Variants in DAAM2 observed in about 807,000 individuals in gnomAD.
DAAM2 encodes dishevelled associated activator of morphogenesis 2, also known as disheveled-associated activator of morphogenesis 2.
A neutral mutation model predicts 120.7 loss-of-function variants in DAAM2; 39 were observed. The ratio of observed to expected loss-of-function variants is 0.32; its 90% confidence interval spans 0.25 to 0.42. DAAM2 has a LOEUF of 0.42. Among genes scored for constraint, DAAM2 ranks in the 10% least tolerant of loss-of-function variants. DAAM2 has a pLI of 1.00. For synonymous variants in DAAM2, 488 were observed against 524.9 expected (o/e 0.93, Z 0.96); for missense variants, 1,283 against 1,401.7 (o/e 0.92, Z 1.35).
intron 19 of DAAM2, among the ~76,000 whole-genome samples, chr6:39,892,736 C>T (rs1765810147): frequency 6.6e-6 from 1 of 152,192 alleles, no homozygotes; most frequent in African/African-American, 2.4e-5. Context: ...CCAGTCAGTA[C>T]TCCCTGAGAT....
chr6:39,892,242 A>G (rs1031958672), intron 19 of DAAM2, among the ~76,000 whole-genome samples: 1 of 152,216 alleles, frequency 6.6e-6, no homozygotes, highest in African/African-American at 2.4e-5. Flanking sequence ...TTGTAGTTCA[A>G]TGAGAACCAT....
At chr6:39,819,679 A>G (rs1194857960) in intron 1 of DAAM2, 1 of 152,224 alleles carries the variant, frequency 6.6e-6, no homozygotes, top group Non-Finnish European at 1.5e-5. Context: ...ACAAAATACC[A>G]TAGATTGGGT....
intron 1 of DAAM2, among the ~76,000 whole-genome samples, chr6:39,816,547 G>A (rs774869221): frequency 1.3e-5 from 2 of 152,198 alleles, no homozygotes; most frequent in Non-Finnish European, 2.9e-5. Context: ...GGGGCAGGGG[G>A]TGTGATGGGT....
chr6:39,851,332 C>T (rs1763799517), intron 1 of DAAM2, among the ~76,000 whole-genome samples: 2 of 152,196 alleles, frequency 1.3e-5, no homozygotes, highest in African/African-American at 4.8e-5. Flanking sequence ...AGGCAAGCTA[C>T]TTAACCACTC....
Position 39,878,662 on chromosome 6 carries a change from G to T in DAAM2, c.1545+74G>T. 1.4e-6 allele frequency: 2 copies of T among 1,467,360 alleles called. No homozygotes were observed. Among genetic ancestry groups the T allele is most frequent in the South Asian group, 2.7e-5 (2 of 74,634 alleles). 90.9% of individuals were successfully genotyped at this position (1,467,360 alleles called of 1,614,324 possible). On this transcript the variant is annotated intron_variant, in intron 13 of 24. Coordinates refer to ENST00000274867, the MANE Select transcript of DAAM2 (RefSeq NM_001201427.2). This position sits in a 1 kb window ranked among gnomAD's most constrained non-coding sequence, Gnocchi z 5.0. The stretch of plus-strand genomic sequence containing the variant: ...TCAGGACTGGGTGGGCAGAGCAGGT[G>T]TCGGAGAGGCCAAGGACCCCAGCAT...
Position 39,856,454 on chromosome 6 carries a change from G to A in DAAM2, c.152G>A (p.Arg51His), listed in dbSNP as rs749464558. Residue 51 changes from arginine to histidine, a missense_variant, in exon 2 of 25, where the codon CGC becomes CAC. This residue lies in a region of DAAM2 where 197 missense variants were observed against 189.3 expected (regional missense o/e 1.04). Transcript: ENST00000274867. ...CCGAACGCAGAGGAGCTCAACATCC[G>A]CTTTGCAGAGCTGGTGGTCAGTGAG... ...PIPNAEELNI[R>H]FAELVDELDL... 6.9e-6 allele frequency: 10 copies of A among 1,458,682 alleles called. No homozygotes were observed. The highest frequency in any genetic ancestry group is 1.5e-5 in the South Asian group (1 of 66,530). The allele number at this position is 1,458,682 out of a possible 1,614,324, so 90.4% of individuals were successfully genotyped here.
chr6:39,882,588 G>A (rs1395871466), intron 14 of DAAM2, among the ~76,000 whole-genome samples: 2 of 151,896 alleles, frequency 1.3e-5, no homozygotes, highest in South Asian at 2.1e-4. Context: ...AGCCAGCGCC[G>A]TCCCTGCCTT....
chr6:39,856,423 C>T lies in DAAM2; in HGVS notation c.121C>T (p.Pro41Ser), dbSNP rs1383514473. Residue 41 changes from proline (P) to serine (S), a missense_variant, in exon 2 of 25, where the codon CCC becomes TCC. Around this residue, in one of 3 missense-constraint regions of DAAM2, gnomAD observed 197 missense variants for 189.3 expected, o/e 1.04. Coordinates refer to ENST00000274867, the MANE Select transcript of DAAM2 (RefSeq NM_001201427.2). The part of the protein sequence containing the change: ...HPLQFMEFSS[P>S]IPNAEELNIR... ...TCTGCAGTTCATGGAGTTCTCCAGC[C>T]CCATCCCGAACGCAGAGGAGCTCAA... The T allele has an allele frequency of 1.3e-6, 2 of 1,527,424 alleles. No individual in the cohort carries two copies. Among genetic ancestry groups the T allele is most frequent in the African/African-American group, 1.4e-5 (1 of 70,990 alleles). The allele number at this position is 1,527,424 out of a possible 1,614,324, so 94.6% of individuals were successfully genotyped here. A position where few individuals can be genotyped will look rare whatever the true frequency, so the allele number is the denominator to read the frequency against.
rs114838074 is a variant in DAAM2 at position 39,854,648 on chromosome 6, G to T, written c.-56-1599G>T. On this transcript the variant is annotated intron_variant, in intron 1 of 24. Transcript: ENST00000274867. Reference sequence around the variant, plus strand: ...TTAGGAAATAAAGCAGTGTTCTCTAGAAGTTACCCTGAGTTCACTAGGAAC... The same window carrying T: ...TTAGGAAATAAAGCAGTGTTCTCTATAAGTTACCCTGAGTTCACTAGGAAC... Among the ~76,000 whole-genome samples, 1,420 of 152,312 alleles carry T rather than the reference G, an allele frequency of 9.3e-3. 9 individuals carry two copies. The highest frequency in any genetic ancestry group is 0.032 in the African/African-American group (1,326 of 41,560).
At position 39,868,802 on chromosome 6, in the gene DAAM2, C is replaced by G. The variant is rs1207355599; in HGVS notation, c.763-21C>G. ...GGGAACTCAGCCCTCTCCTCCTGCT[C>G]TGTCCTGCATTTCCACCTAGACCCT... On this transcript the variant is annotated intron_variant, in intron 6 of 24. Coordinates refer to ENST00000274867, the MANE Select transcript of DAAM2 (RefSeq NM_001201427.2). 1.9e-6 allele frequency: 3 copies of G among 1,548,468 alleles called. No individual in the cohort carries two copies. In the African/African-American group the frequency reaches 4.1e-5, roughly 21 times the overall value.
intron 1 of DAAM2, among the ~76,000 whole-genome samples, chr6:39,797,798 C>T (rs951760920): frequency 2.0e-5 from 3 of 152,216 alleles, no homozygotes; most frequent in Non-Finnish European, 4.4e-5. Context: ...GTATGGTTCT[C>T]CCTGTATCCC....
chr6:39,809,156 C>G (rs182985074), intron 1 of DAAM2, among the ~76,000 whole-genome samples: 1 of 152,154 alleles, frequency 6.6e-6, no homozygotes, highest in Non-Finnish European at 1.5e-5. Context: ...GGAGTGGTGT[C>G]GTCAGAGCTC....
At position 39,868,894 on chromosome 6, in the gene DAAM2, G is replaced by A. The variant is rs766068630; in HGVS notation, c.834G>A (p.Met278Ile). The change falls in exon 7 of 25, where the codon ATG becomes ATA. Residue 278 changes from methionine to isoleucine, a missense_variant. This residue lies in a region of DAAM2 where 338 missense variants were observed against 443.9 expected (regional missense o/e 0.76). Coordinates refer to ENST00000274867, the MANE Select transcript of DAAM2 (RefSeq NM_001201427.2). Reference protein sequence around the residue: ...RDEVNLKTAIMSFINAVLNAG... With the variant: ...RDEVNLKTAIISFINAVLNAG... The stretch of plus-strand genomic sequence containing the variant: ...AAGTGAATCTGAAAACAGCCATCAT[G>A]TCCTTCATCAATGCTGTCCTCAATG... 1.9e-6 allele frequency: 3 copies of A among 1,587,302 alleles called. No individual in the cohort carries two copies. The highest frequency in any genetic ancestry group is 1.7e-6 in the Non-Finnish European group (2 of 1,166,724).
chr6:39,806,971 T>G (rs1762027376), intron 1 of DAAM2, among the ~76,000 whole-genome samples: 1 of 152,020 alleles, frequency 6.6e-6, no homozygotes, highest in South Asian at 2.1e-4. Flanking sequence ...CACTATCTGG[T>G]AAAACTGAAG....
intron 10 of DAAM2, among the ~76,000 whole-genome samples, chr6:39,874,504 T>A (rs1017302553): frequency 1.3e-5 from 2 of 152,210 alleles, no homozygotes; most frequent in African/African-American, 2.4e-5. Context: ...TGTTTCCTGT[T>A]CCATGGGCAA....
At chr6:39,867,094 G>A (rs1764461921) in intron 5 of DAAM2, among the ~76,000 whole-genome samples, 1 of 152,178 alleles carries the variant, frequency 6.6e-6, no homozygotes, top group Admixed American at 6.5e-5. Context: ...CCCTTGAAAT[G>A]TAGCTTCCCT....
intron 1 of DAAM2, among the ~76,000 whole-genome samples, chr6:39,847,517 G>A (rs1208480489): frequency 6.6e-6 from 1 of 152,168 alleles, no homozygotes. Context: ...CTAATGGGTA[G>A]CAGAGACATG....
Position 39,864,450 on chromosome 6 carries a change from C to A in DAAM2, c.276C>A (p.Asn92Lys). 2 of 1,612,960 alleles carry A rather than the reference C, an allele frequency of 1.2e-6. No individual in the cohort carries two copies. The highest frequency in any genetic ancestry group is 1.7e-6 in the Non-Finnish European group (2 of 1,179,758). ...CSKKKEQEDP[N>K]KLATSWPDYY... Reference sequence around the variant, plus strand: ...TGTTTCAGGAGCAGGAGGACCCCAACAAGCTGGCAACCAGCTGGCCTGACT... The same window carrying A: ...TGTTTCAGGAGCAGGAGGACCCCAAAAAGCTGGCAACCAGCTGGCCTGACT... Residue 92 changes from asparagine to lysine, a missense_variant, in exon 4 of 25, where the codon AAC (asparagine) becomes AAA (lysine). By Grantham distance (94) the Asn-to-Lys change is moderately conservative. Coordinates refer to ENST00000274867, the MANE Select transcript of DAAM2 (RefSeq NM_001201427.2).
chr6:39,847,324 G>A (rs530768785), intron 1 of DAAM2, among the ~76,000 whole-genome samples: 1 of 152,250 alleles, frequency 6.6e-6, no homozygotes, highest in Admixed American at 6.5e-5. Flanking sequence ...TGCTCTGGTG[G>A]GAGAGCTGGG....
Sources: gnomAD v4.1 joint callset for allele counts (sites outside exome capture counted in the v4.1 genomes callset) on GRCh38, gnomAD v4.1.1 for gene constraint, gnomAD v4.1.1 regional missense constraint, Gnocchi (gnomAD v3.1) non-coding constraint, MANE v1.5 for transcripts, NCBI Gene and HGNC (gene_info 2026-07-23, HGNC 2026-07-21) for gene names.